The following CTTNBP2 variants were observed in gnomAD, a reference collection of about 807,000 sequenced individuals.
The protein encoded by CTTNBP2 is cortactin-binding protein 2.
A neutral mutation model predicts 156.9 loss-of-function variants in CTTNBP2; 108 were observed. That is an observed-to-expected ratio of 0.69 (90% confidence interval 0.59 to 0.81). The LOEUF (loss-of-function observed/expected upper bound fraction) is 0.81, where lower values mean the gene tolerates loss of function less well. CTTNBP2 is among the 30% of genes least tolerant of loss of function. The pLI is 0.00. For synonymous variants in CTTNBP2, 767 were observed against 751.8 expected, an observed-to-expected ratio of 1.02 and a Z score of -0.33; for missense variants, 1,924 against 2,035.4, an observed-to-expected ratio of 0.95 and a Z score of 1.05.
chr7:117,730,236 A>G (rs888221231), intron 16 of CTTNBP2, among the ~76,000 whole-genome samples: 1 of 152,156 alleles, frequency 6.6e-6, no homozygotes, highest in South Asian at 2.1e-4. Context: ...CTTCCTTGAC[A>G]TAACAAATTA....
intron 2 of CTTNBP2, among the ~76,000 whole-genome samples, chr7:117,825,096 G>A (rs566441343): frequency 7.7e-4 from 117 of 152,206 alleles, no homozygotes; most frequent in Middle Eastern, 3.4e-3. Context: ...ACCAGGAGTC[G>A]GTGGGTAGAC....
intron 21 of CTTNBP2, among the ~76,000 whole-genome samples, chr7:117,719,065 G>A (rs943317166): frequency 1.3e-5 from 2 of 151,942 alleles, no homozygotes; most frequent in African/African-American, 2.4e-5. Flanking sequence ...AGGCGTTGTG[G>A]GGGACACACC....
intron 4 of CTTNBP2, 120 bp downstream of exon 4, chr7:117,791,008 G>A: frequency 2.6e-6 from 2 of 773,350 alleles, no homozygotes; most frequent in South Asian, 3.8e-5. Context: ...GAAAAGAAAT[G>A]GGGGTGGGGG....
intron 2 of CTTNBP2, among the ~76,000 whole-genome samples, chr7:117,852,815 C>T (rs1444592858): frequency 6.6e-6 from 1 of 152,006 alleles, no homozygotes; most frequent in Non-Finnish European, 1.5e-5. Flanking sequence ...TCTGAGCCCT[C>T]GTAGCAATTA....
chr7:117,854,466 G>A (rs1449746761), intron 2 of CTTNBP2, among the ~76,000 whole-genome samples: 3 of 152,144 alleles, frequency 2.0e-5, no homozygotes. Context: ...AACTAGAGTG[G>A]AACCATTATT....
chr7:117,759,110 T>A (rs1043737768), intron 10 of CTTNBP2, among the ~76,000 whole-genome samples: 1 of 152,110 alleles, frequency 6.6e-6, no homozygotes, highest in Non-Finnish European at 1.5e-5. Flanking sequence ...ATTATAACAA[T>A]TCTATAATTT....
intron 11 of CTTNBP2, 53 bp from the exon 12 acceptor site, chr7:117,756,687 C>T (rs543214450): frequency 3.0e-5 from 33 of 1,104,936 alleles, no homozygotes; most frequent in Admixed American, 1.5e-4. Context: ...TAAATATAAA[C>T]GATCAAAACA....
intron 22 of CTTNBP2, 130 bp downstream of exon 22, chr7:117,717,888 T>TTTATCCTATTTCTCAGTTCTTAGCTTTGG: frequency 1.6e-6 from 1 of 632,962 alleles, no homozygotes; most frequent in East Asian, 2.8e-5. Context: ...CACTTTTACC[T>TTTATCCTATTTCTCAGTTCTTAGCTTTGG]TTATCCTATT....
chr7:117,715,595 T>C (rs1794308337), intron 22 of CTTNBP2, among the ~76,000 whole-genome samples: 1 of 152,084 alleles, frequency 6.6e-6, no homozygotes, highest in African/African-American at 2.4e-5. Context: ...TTAACATTTG[T>C]TCTTCCTGTT....
chr7:117,873,382 A>G lies in CTTNBP2; in HGVS notation c.34T>C (p.Leu12=). 1 of 1,488,292 alleles carries G rather than the reference A, an allele frequency of 6.7e-7. No homozygotes were observed. Among genetic ancestry groups the G allele is most frequent in the Non-Finnish European group, 8.9e-7 (1 of 1,125,966 alleles). The allele number at this position is 1,488,292 out of a possible 1,614,324, so 92.2% of individuals were successfully genotyped here. A position where few individuals can be genotyped will look rare whatever the true frequency, so the allele number is the denominator to read the frequency against. ...GCCGCGTCCTCCGGGGCCCGGGACA[A>G]GTCGGGCTCGCAGCTCGCGCCGTCC... The part of the protein sequence containing the change: ...ATDGASCEPD[L]SRAPEDAAGA... Residue 12 remains leucine, a synonymous_variant, in exon 1 of 23, where the codon TTG becomes CTG. Coordinates refer to ENST00000160373, the MANE Select transcript of CTTNBP2 (RefSeq NM_033427.3).
chr7:117,844,895 G>A (rs1273923210), intron 2 of CTTNBP2, among the ~76,000 whole-genome samples: 4 of 152,164 alleles, frequency 2.6e-5, no homozygotes, highest in African/African-American at 9.7e-5. Context: ...GCAGCTGAGA[G>A]TGAAGTAAAG....
intron 2 of CTTNBP2, among the ~76,000 whole-genome samples, chr7:117,847,295 AG>A (rs1285899478): frequency 6.6e-6 from 1 of 152,182 alleles, no homozygotes; most frequent in Admixed American, 6.5e-5. Flanking sequence ...CAGCACTTTA[AG>A]AAGCTGAGGC....
At chr7:117,773,097 G>GA (rs1354759047) in intron 8 of CTTNBP2, among the ~76,000 whole-genome samples, 1 of 152,226 alleles carries the variant, frequency 6.6e-6, no homozygotes, top group Non-Finnish European at 1.5e-5. Context: ...TATTTATCAT[G>GA]ATAAAAATCT....
intron 8 of CTTNBP2, among the ~76,000 whole-genome samples, chr7:117,770,539 G>A (rs976175391): frequency 6.6e-6 from 1 of 152,214 alleles, no homozygotes; most frequent in African/African-American, 2.4e-5. Context: ...CACTTTGCAA[G>A]TATTCAGTGT....
At chr7:117,829,494 T>C (rs1801479747) in intron 2 of CTTNBP2, among the ~76,000 whole-genome samples, 1 of 152,194 alleles carries the variant, frequency 6.6e-6, no homozygotes, top group Non-Finnish European at 1.5e-5. Flanking sequence ...AAGGTACTCA[T>C]TTCCTTTTCA....
At chr7:117,794,828 T>C (rs1026741065) in intron 3 of CTTNBP2, among the ~76,000 whole-genome samples, 1 of 151,316 alleles carries the variant, frequency 6.6e-6, no homozygotes, top group Non-Finnish European at 1.5e-5. Flanking sequence ...GTAGATTAGG[T>C]AAGACTGGGG....
intron 3 of CTTNBP2, among the ~76,000 whole-genome samples, chr7:117,796,786 A>G (rs1362689845): frequency 6.6e-6 from 1 of 152,264 alleles, no homozygotes. Context: ...ACACCATATT[A>G]AACATGTAGA....
chr7:117,800,286 G>A (rs1799539526), intron 3 of CTTNBP2, among the ~76,000 whole-genome samples: 1 of 151,950 alleles, frequency 6.6e-6, no homozygotes, highest in Non-Finnish European at 1.5e-5. Flanking sequence ...TCTAATATAG[G>A]TAAGACTAAT....
chr7:117,743,385 T>C (rs1182817665), intron 14 of CTTNBP2, among the ~76,000 whole-genome samples: 1 of 152,104 alleles, frequency 6.6e-6, no homozygotes, highest in African/African-American at 2.4e-5. Context: ...TTAAAGCCAG[T>C]AGTGATTAAG....
Sources: allele counts gnomAD v4.1 joint callset (sites outside exome capture counted in the v4.1 genomes callset), GRCh38; gene constraint gnomAD v4.1.1; transcripts MANE v1.5; gene names NCBI Gene and HGNC (gene_info 2026-07-23, HGNC 2026-07-21).